Variants in BRMS1L observed in about 807,000 individuals in gnomAD.
BRMS1L encodes the protein breast cancer metastasis-suppressor 1-like protein.
A neutral mutation model predicts 50.3 loss-of-function variants in BRMS1L; 23 were observed. The observed-to-expected ratio is 0.46, with a 90% CI of 0.33 to 0.65. BRMS1L has a LOEUF of 0.65. BRMS1L is among the 30% of genes least tolerant of loss of function. The pLI is 0.02. For synonymous variants in BRMS1L, 114 were observed against 126.9 expected (o/e 0.90, Z 0.69); for missense variants, 286 against 386.1 (o/e 0.74, Z 2.17).
rs890628367 is a variant in BRMS1L, at chr14:35,870,359, G to A, written c.855-1G>A. On this transcript the variant is annotated splice_acceptor_variant, in intron 9 of 9. Coordinates refer to ENST00000216807, the MANE Select transcript of BRMS1L (RefSeq NM_032352.4). LOFTEE classifies it high-confidence loss of function. ...ATTCATTCTTTTTTTTTTCTTTTTA[G>A]TGCTGTAATTACAACAATTAACCAT... 1 of 1,504,948 alleles carries A rather than the reference G, an allele frequency of 6.6e-7. No individual in the cohort carries two copies. Among genetic ancestry groups the A allele is most frequent in the Non-Finnish European group, 9.1e-7 (1 of 1,098,068 alleles). The allele number at this position is 1,504,948 out of a possible 1,614,324, so 93.2% of individuals were successfully genotyped here.
At chr14:35,858,074 T>C (rs910341453) in intron 4 of BRMS1L, among the ~76,000 whole-genome samples, 9 of 151,528 alleles carry the variant, frequency 5.9e-5, no homozygotes, top group African/African-American at 2.2e-4. Flanking sequence ...AGATTTAAAC[T>C]CCTGTCCAGT....
At chr14:35,855,601 G>A (rs758694758) in intron 4 of BRMS1L, among the ~76,000 whole-genome samples, 10 of 151,950 alleles carry the variant, frequency 6.6e-5, no homozygotes, top group South Asian at 2.1e-4. Context: ...AATATTAACC[G>A]AAATTTCTTC....
chr14:35,869,372 T>A (rs2078459739), intron 9 of BRMS1L, among the ~76,000 whole-genome samples: 1 of 152,024 alleles, frequency 6.6e-6, no homozygotes, highest in Non-Finnish European at 1.5e-5. Flanking sequence ...CTAGCTGGTC[T>A]CTTTGTAGAG....
chr14:35,845,080 A>G (rs552446394), intron 4 of BRMS1L, among the ~76,000 whole-genome samples: 1 of 152,296 alleles, frequency 6.6e-6, no homozygotes, highest in South Asian at 2.1e-4. Context: ...ATGGGATCTC[A>G]CATATTGCCC....
chr14:35,854,972 T>C (rs571424737), intron 4 of BRMS1L, among the ~76,000 whole-genome samples: 5 of 152,268 alleles, frequency 3.3e-5, no homozygotes, highest in Non-Finnish European at 4.4e-5. Context: ...GAAAAACTTT[T>C]CCCCCCCTCT....
At position 35,871,849 on chromosome 14, in the gene BRMS1L, T is replaced by C. The variant is rs2078495779; in HGVS notation, c.*1372T>C. 6.5e-6 allele frequency: 1 copy of C among 152,692 alleles called. No homozygotes were observed. The highest frequency in any genetic ancestry group is 1.5e-5 in the Non-Finnish European group (1 of 68,056). 9.5% of individuals were successfully genotyped at this position (152,692 alleles called of 1,614,324 possible). A position where few individuals can be genotyped will look rare whatever the true frequency, so the allele number is the denominator to read the frequency against. On this transcript the variant is annotated 3_prime_UTR_variant, in exon 10 of 10. Coordinates refer to ENST00000216807, the MANE Select transcript of BRMS1L (RefSeq NM_032352.4). ...AATTAACCTTAGCAAATGTACATAA[T>C]GTCAAAACCCAATAGTATTTGACAG...
intron 4 of BRMS1L, among the ~76,000 whole-genome samples, chr14:35,835,371 T>C (rs533273610): frequency 1.3e-5 from 2 of 152,250 alleles, no homozygotes; most frequent in East Asian, 3.9e-4. Flanking sequence ...TATTTTTCTG[T>C]ATATTCTGTT....
chr14:35,835,775 G>C (rs374949457), intron 4 of BRMS1L, among the ~76,000 whole-genome samples: 12 of 152,172 alleles, frequency 7.9e-5, no homozygotes, highest in African/African-American at 2.9e-4. Flanking sequence ...ACCTTCGGAG[G>C]TTGAGGCTGC....
intron 6 of BRMS1L, 100 bp downstream of exon 6, chr14:35,864,053 A>C (rs898966962): frequency 1.1e-6 from 1 of 879,790 alleles, no homozygotes; most frequent in African/African-American, 1.7e-5. Context: ...CTTTATTTGC[A>C]TGATCCTGTA....
In BRMS1L at chr14:35,868,028, A is replaced by G. The variant is rs759819662; in HGVS notation, c.850A>G (p.Thr284Ala). The G allele has an allele frequency of 1.4e-5, 22 of 1,590,316 alleles. No individual in the cohort carries two copies. Among genetic ancestry groups the G allele is most frequent in the Non-Finnish European group, 1.9e-5 (22 of 1,173,292 alleles). ...ICIDKKDECP[T>A]SAVITTINHD... ...TATTGATAAAAAAGATGAATGTCCT[A>G]CAAGGTAAAAAAGCCTTTGTTATTT... The change falls in exon 9 of 10, where the codon ACA becomes GCA. Residue 284 changes from threonine to alanine, a missense_variant. Physicochemically the swap from Thr to Ala is moderately conservative, Grantham distance 58. Transcript: ENST00000216807.
chr14:35,843,396 A>G (rs1190002901), intron 4 of BRMS1L, among the ~76,000 whole-genome samples: 1 of 151,988 alleles, frequency 6.6e-6, no homozygotes, highest in Non-Finnish European at 1.5e-5. Context: ...TGTTGATGCT[A>G]TTCCTTTCTG....
At chr14:35,833,918 A>G (rs1045479138) in intron 3 of BRMS1L, among the ~76,000 whole-genome samples, 2 of 152,128 alleles carry the variant, frequency 1.3e-5, no homozygotes, top group African/African-American at 4.8e-5. Context: ...ATGATATGAT[A>G]CTCTTCACTG....
intron 2 of BRMS1L, among the ~76,000 whole-genome samples, chr14:35,832,302 A>C (rs1815340): frequency 0.22 from 32,321 of 149,556 alleles, 3,917 homozygotes; most frequent in East Asian, 0.35. Context: ...CAGGAGATCG[A>C]GACCATCCTG....
chr14:35,856,592 A>C (rs1180609125), intron 4 of BRMS1L, among the ~76,000 whole-genome samples: 2 of 150,914 alleles, frequency 1.3e-5, no homozygotes, highest in Admixed American at 6.6e-5. Flanking sequence ...ATCACTGTTA[A>C]TAAGTATGTA....
intron 4 of BRMS1L, among the ~76,000 whole-genome samples, chr14:35,840,294 A>G (rs1188650549): frequency 1.3e-5 from 2 of 152,072 alleles, no homozygotes; most frequent in South Asian, 2.1e-4. Flanking sequence ...GAGGATTTTC[A>G]TATCGATGTT....
chr14:35,841,775 A>G (rs1257211621), intron 4 of BRMS1L, among the ~76,000 whole-genome samples: 1 of 152,060 alleles, frequency 6.6e-6, no homozygotes, highest in South Asian at 2.1e-4. Context: ...TGACAGTGGG[A>G]TGTTAAAGTC....
chr14:35,833,566 A>G (rs1450997197), intron 3 of BRMS1L, among the ~76,000 whole-genome samples: 1 of 152,110 alleles, frequency 6.6e-6, no homozygotes, highest in Non-Finnish European at 1.5e-5. Context: ...TAGATGATTT[A>G]ATTTTTCCTT....
Position 35,834,872 on chromosome 14 carries a change from T to C in BRMS1L, c.390T>C (p.Ser130=), listed in dbSNP as rs763611945. ...AGIYRELCLE[S]VKNKYECEIQ... is the part of the protein sequence containing the mutation. ...TCTATAGAGAGCTCTGCTTAGAATC[T>C]GTAAAGAACAAATATGAATGTGAAA... The change falls in exon 4 of 10, where the codon TCT becomes TCC. Residue 130 remains serine (S), a synonymous_variant. Coordinates refer to ENST00000216807, the MANE Select transcript of BRMS1L (RefSeq NM_032352.4). 2.5e-6 allele frequency: 4 copies of C among 1,591,976 alleles called. No individual in the cohort carries two copies. The highest frequency in any genetic ancestry group is 2.3e-5 in the East Asian group (1 of 44,104).
At position 35,864,966 on chromosome 14, in the gene BRMS1L, T is replaced by C; in HGVS notation, c.654T>C (p.Leu218=). ...GPYIVYMLQD[L]DILEDWTTIR... Reference sequence around the variant, plus strand: ...ATATAGTTTATATGCTACAAGATCTTGATATTCTTGAAGACTGGACAACAA... The same window carrying C: ...ATATAGTTTATATGCTACAAGATCTCGATATTCTTGAAGACTGGACAACAA... The change falls in exon 7 of 10, where the codon CTT becomes CTC. Residue 218 remains leucine, a synonymous_variant. Coordinates refer to ENST00000216807, the MANE Select transcript of BRMS1L (RefSeq NM_032352.4). 6.3e-7 allele frequency: 1 copy of C among 1,585,164 alleles called. No homozygotes were observed. The highest frequency in any genetic ancestry group is 8.6e-7 in the Non-Finnish European group (1 of 1,168,336).
Sources: gnomAD v4.1 joint callset for allele counts (sites outside exome capture counted in the v4.1 genomes callset) on GRCh38, gnomAD v4.1.1 for gene constraint, MANE v1.5 for transcripts, NCBI Gene and HGNC (gene_info 2026-07-23, HGNC 2026-07-21) for gene names.